The following MYO5A variants were observed in gnomAD, a reference collection of about 807,000 sequenced individuals.
MYO5A encodes the protein unconventional myosin-Va.
In MYO5A, 98 loss-of-function variants were observed where a neutral mutation model predicts 249.7. That is an observed-to-expected ratio of 0.39 (90% CI 0.33 to 0.46). The LOEUF (loss-of-function observed/expected upper bound fraction) is 0.46. Among genes scored for constraint, MYO5A ranks in the 20% least tolerant of loss-of-function variants. The pLI, the probability that MYO5A is intolerant of heterozygous loss-of-function variation, is 0.98. For synonymous variants in MYO5A, 778 were observed against 810.6 expected (o/e 0.96, Z 0.68); for missense variants, 1,696 against 2,308.8 (o/e 0.73, Z 5.44).
intron 1 of MYO5A, among the ~76,000 whole-genome samples, chr15:52,504,222 C>T (rs2077219096): frequency 6.6e-6 from 1 of 152,136 alleles, no homozygotes; most frequent in Non-Finnish European, 1.5e-5. Flanking sequence ...CCTCCACCCA[C>T]TCACTCTTAC....
intron 4 of MYO5A, among the ~76,000 whole-genome samples, chr15:52,416,742 T>C (rs955092233): frequency 1.3e-5 from 2 of 152,184 alleles, no homozygotes; most frequent in Non-Finnish European, 2.9e-5. Context: ...AAAAAACATG[T>C]TTTATGACTT....
At chr15:52,442,730 G>A (rs1163457902) in intron 1 of MYO5A, among the ~76,000 whole-genome samples, 2 of 150,612 alleles carry the variant, frequency 1.3e-5, no homozygotes, top group African/African-American at 4.9e-5. Context: ...ACTCCACTAT[G>A]CCCACCCATT....
At chr15:52,426,666 T>C (rs2075401916) in intron 3 of MYO5A, among the ~76,000 whole-genome samples, 1 of 152,168 alleles carries the variant, frequency 6.6e-6, no homozygotes, top group Non-Finnish European at 1.5e-5. Context: ...GATTTTGCCA[T>C]GTTGCCCAGG....
intron 1 of MYO5A, among the ~76,000 whole-genome samples, chr15:52,520,856 G>C (rs3764229): frequency 0.69 from 105,078 of 151,912 alleles, 37,671 homozygotes; most frequent in Non-Finnish European, 0.77. Context: ...GGCATATATT[G>C]ATTTGTTTCA....
chr15:52,334,678 T>C (rs2039034585), intron 34 of MYO5A, among the ~76,000 whole-genome samples: 2 of 152,176 alleles, frequency 1.3e-5, no homozygotes, highest in South Asian at 4.1e-4. Flanking sequence ...CAACAAACAT[T>C]TATGGAATGA....
chr15:52,449,968 C>T (rs1234619669), intron 1 of MYO5A, among the ~76,000 whole-genome samples: 1 of 152,112 alleles, frequency 6.6e-6, no homozygotes, highest in African/African-American at 2.4e-5. Flanking sequence ...TGCCACTGCA[C>T]TCTAGCCTGA....
chr15:52,505,635 G>A, intron 1 of MYO5A: 1 of 1,331,382 alleles, frequency 7.5e-7, no homozygotes, highest in Non-Finnish European at 1.1e-6. Context: ...TGAAATCTTG[G>A]GATGATGAGA....
chr15:52,510,974 G>A (rs1228194582), intron 1 of MYO5A, among the ~76,000 whole-genome samples: 2 of 152,168 alleles, frequency 1.3e-5, no homozygotes, highest in South Asian at 2.1e-4. Flanking sequence ...TACTATACAG[G>A]TTTTGTCTAG....
chr15:52,502,957 A>T (rs915293262), intron 1 of MYO5A, among the ~76,000 whole-genome samples: 27 of 152,250 alleles, frequency 1.8e-4, no homozygotes, highest in African/African-American at 5.5e-4. Context: ...TCTCATTCAT[A>T]TGTGAGAGCT....
intron 20 of MYO5A, among the ~76,000 whole-genome samples, chr15:52,374,407 A>T (rs2041290979): frequency 6.6e-6 from 1 of 152,210 alleles, no homozygotes; most frequent in Admixed American, 6.5e-5. Context: ...CTCTGTAGTC[A>T]TCTGAATAGG....
chr15:52,486,096 A>T (rs17651545), intron 1 of MYO5A, among the ~76,000 whole-genome samples: 22,828 of 152,108 alleles, frequency 0.15, 1,825 homozygotes, highest in Middle Eastern at 0.22. Flanking sequence ...TTTCAAATCA[A>T]ATTCCAATTC....
At chr15:52,467,781 C>T (rs1440655444) in intron 1 of MYO5A, among the ~76,000 whole-genome samples, 1 of 152,128 alleles carries the variant, frequency 6.6e-6, no homozygotes, top group Non-Finnish European at 1.5e-5. Context: ...GAGAAAAGCA[C>T]ACTTAGTTGC....
chr15:52,485,921 G>A (rs923427208), intron 1 of MYO5A, among the ~76,000 whole-genome samples: 7 of 152,170 alleles, frequency 4.6e-5, no homozygotes, highest in Non-Finnish European at 8.8e-5. Context: ...AGGATTTCAA[G>A]AGCCTGGCAT....
rs571466781 is a variant in MYO5A at position 52,458,743 on chromosome 15, C to T, written c.28-25458G>A. On this transcript the variant is annotated intron_variant, in intron 1 of 41. Transcript: ENST00000399233. Reference sequence around the variant, plus strand: ...AAATATCACAGGTACCTCACAAATACATACAAATATAAATAAATATAAAAA... The same window carrying T: ...AAATATCACAGGTACCTCACAAATATATACAAATATAAATAAATATAAAAA... Among the ~76,000 whole-genome samples the T allele has an allele frequency of 8.8e-5, 13 of 147,088 alleles. No individual in the cohort carries two copies. The East Asian group carries it at 2.2e-3, about 25-fold the overall frequency.
At chr15:52,453,295 C>CA (rs1002453185) in intron 1 of MYO5A, among the ~76,000 whole-genome samples, 12 of 151,936 alleles carry the variant, frequency 7.9e-5, no homozygotes, top group Non-Finnish European at 1.6e-4. Flanking sequence ...TGCTGAAAGA[C>CA]AAAAAAACCC....
intron 35 of MYO5A, 148 bp downstream of exon 35, chr15:52,330,205 T>C: frequency 9.2e-7 from 1 of 1,086,184 alleles, no homozygotes; most frequent in Non-Finnish European, 1.4e-6. Flanking sequence ...CTTGGTGTGG[T>C]CAGAACACTA....
intron 1 of MYO5A, among the ~76,000 whole-genome samples, chr15:52,494,441 A>T (rs900331773): frequency 3.3e-5 from 5 of 152,202 alleles, no homozygotes; most frequent in African/African-American, 1.2e-4. Flanking sequence ...TTAGTCACAG[A>T]GGTCCTTCAA....
At chr15:52,467,283 C>T (rs2076372233) in intron 1 of MYO5A, among the ~76,000 whole-genome samples, 1 of 152,022 alleles carries the variant, frequency 6.6e-6, no homozygotes, top group African/African-American at 2.4e-5. Flanking sequence ...TAAAGAAAAT[C>T]AGAAAATCAA....
chr15:52,354,441 C>T (rs796541207), intron 25 of MYO5A, among the ~76,000 whole-genome samples: 2 of 152,192 alleles, frequency 1.3e-5, no homozygotes, highest in African/African-American at 2.4e-5. Context: ...AAAAGATGTT[C>T]ATTGAAGCAT....
Sources: allele counts gnomAD v4.1 joint callset (sites outside exome capture counted in the v4.1 genomes callset), GRCh38; gene constraint gnomAD v4.1.1; transcripts MANE v1.5; gene names NCBI Gene and HGNC (gene_info 2026-07-23, HGNC 2026-07-21).